NDUFS4: variants seen among roughly 807,000 people sequenced by gnomAD.
The protein encoded by NDUFS4 is NADH dehydrogenase [ubiquinone] iron-sulfur protein 4, mitochondrial.
NDUFS4 carries 28 observed loss-of-function variants against 24.3 expected under a neutral mutation model. The observed-to-expected ratio is 1.15, with a 90% CI of 0.85 to 1.58. NDUFS4 has a LOEUF of 1.58. Among genes scored for constraint, NDUFS4 ranks in the 40% most tolerant of loss-of-function variants. The pLI, the probability that NDUFS4 is intolerant of heterozygous loss-of-function variation, is 0.00. For synonymous variants in NDUFS4, 93 were observed against 69.7 expected (o/e 1.34, Z -1.67); for missense variants, 223 against 207.9 (o/e 1.07, Z -0.45).
Position 53,592,034 on chromosome 5 carries a change from G to T in NDUFS4, c.99-11418G>T, listed in dbSNP as rs1219013680. Among the ~76,000 whole-genome samples, 8 of 152,092 alleles carry T rather than the reference G, an allele frequency of 5.3e-5. No homozygotes were observed. In the South Asian group the frequency reaches 1.2e-3, roughly 24 times the overall value. On this transcript the variant is annotated intron_variant, in intron 1 of 4. Coordinates refer to ENST00000296684, the MANE Select transcript of NDUFS4 (RefSeq NM_002495.4). ...GCTCACTGTAACCTCTGCCTCCCAG[G>T]TTCAGGTGATTCACCTGCCACAGCC...
intron 4 of NDUFS4, among the ~76,000 whole-genome samples, chr5:53,662,011 T>C (rs968698542): frequency 1.1e-4 from 16 of 152,210 alleles, no homozygotes; most frequent in Non-Finnish European, 1.6e-4. Context: ...CTGATTGCCC[T>C]GGCCAGAACT....
At chr5:53,663,404 T>C (rs1752405395) in intron 4 of NDUFS4, among the ~76,000 whole-genome samples, 1 of 152,162 alleles carries the variant, frequency 6.6e-6, no homozygotes, top group Non-Finnish European at 1.5e-5. Context: ...TCCTGTCTCA[T>C]TGATCTGTCT....
intron 1 of NDUFS4, among the ~76,000 whole-genome samples, chr5:53,574,710 T>C (rs1323421464): frequency 1.3e-5 from 2 of 152,232 alleles, no homozygotes; most frequent in Non-Finnish European, 2.9e-5. Flanking sequence ...CTTTTTGATC[T>C]GTAAATTATT....
chr5:53,673,545 A>G (rs966472034), intron 4 of NDUFS4, among the ~76,000 whole-genome samples: 2 of 152,182 alleles, frequency 1.3e-5, no homozygotes, highest in Non-Finnish European at 2.9e-5. Context: ...AGAAGGTAAT[A>G]TGATGGTAAA....
chr5:53,658,750 T>C (rs1311490282), intron 4 of NDUFS4, 126 bp downstream of exon 4: 5 of 669,132 alleles, frequency 7.5e-6, no homozygotes, highest in Non-Finnish European at 1.3e-5. Flanking sequence ...AATCCAGTGG[T>C]TTCAGACTTT....
intron 2 of NDUFS4, among the ~76,000 whole-genome samples, chr5:53,617,947 A>G (rs1354522528): frequency 1.3e-5 from 2 of 152,128 alleles, no homozygotes; most frequent in Admixed American, 6.5e-5. Context: ...ACCTTTTTAT[A>G]TTTGTTTTGA....
intron 3 of NDUFS4, among the ~76,000 whole-genome samples, chr5:53,656,473 A>G (rs906577219): frequency 6.6e-6 from 1 of 152,158 alleles, no homozygotes; most frequent in African/African-American, 2.4e-5. Flanking sequence ...TGGTATTCAA[A>G]GTGAAGCATG....
rs1230818272 is a variant in NDUFS4, at chr5:53,625,141, G to T, written c.178-21092G>T. Among the ~76,000 whole-genome samples, 2 of 152,058 alleles carry T rather than the reference G, an allele frequency of 1.3e-5. 1 individual carries two copies. The highest frequency in any genetic ancestry group is 6.8e-3 in the Middle Eastern group (2 of 294). ...TGGCTTTATTTTTTGTAGAAATGGG[G>T]TTCGCCATGTTACCCAGGCTGGTTT... On this transcript the variant is annotated intron_variant, in intron 2 of 4. Transcript: ENST00000296684.
intron 1 of NDUFS4, among the ~76,000 whole-genome samples, chr5:53,598,409 T>C (rs1331285591): frequency 6.6e-6 from 1 of 152,230 alleles, no homozygotes; most frequent in Non-Finnish European, 1.5e-5. Flanking sequence ...CAGATTATTA[T>C]GTGAGTTGGG....
chr5:53,618,223 C>T (rs891932831), intron 2 of NDUFS4, among the ~76,000 whole-genome samples: 4 of 152,058 alleles, frequency 2.6e-5, no homozygotes, highest in South Asian at 4.1e-4. Context: ...TGCAGTGAGG[C>T]GTGATCATGC....
intron 4 of NDUFS4, among the ~76,000 whole-genome samples, chr5:53,659,797 G>A (rs994927284): frequency 5.9e-5 from 9 of 152,054 alleles, no homozygotes; most frequent in African/African-American, 2.2e-4. Flanking sequence ...ACCTAGTATT[G>A]TATAGCTTAT....
At chr5:53,655,986 C>G (rs1752151992) in intron 3 of NDUFS4, among the ~76,000 whole-genome samples, 1 of 152,054 alleles carries the variant, frequency 6.6e-6, no homozygotes, top group African/African-American at 2.4e-5. Flanking sequence ...GAATCATGTA[C>G]AGTTCAAAAG....
chr5:53,658,258 G>A (rs1321451564), intron 3 of NDUFS4, among the ~76,000 whole-genome samples: 1 of 151,786 alleles, frequency 6.6e-6, no homozygotes, highest in African/African-American at 2.4e-5. Context: ...AATCCTCTTG[G>A]GTTTTAAAAT....
At chr5:53,591,052 A>C (rs1749939340) in intron 1 of NDUFS4, among the ~76,000 whole-genome samples, 1 of 152,198 alleles carries the variant, frequency 6.6e-6, no homozygotes, top group South Asian at 2.1e-4. Context: ...TGATTGGCTT[A>C]TTTCACTTAT....
chr5:53,621,708 T>C (rs1298799386), intron 2 of NDUFS4, among the ~76,000 whole-genome samples: 1 of 139,666 alleles, frequency 7.2e-6, no homozygotes, highest in Non-Finnish European at 1.5e-5. Context: ...TTTTTTTTTT[T>C]TTTTTTTTTT....
chr5:53,679,827 C>T (rs1320844358), intron 4 of NDUFS4, among the ~76,000 whole-genome samples: 2 of 152,022 alleles, frequency 1.3e-5, no homozygotes, highest in African/African-American at 4.8e-5. Flanking sequence ...AGGTTTCTTA[C>T]CTATCATTTG....
chr5:53,631,366 G>T (rs1751405253), intron 2 of NDUFS4, among the ~76,000 whole-genome samples: 3 of 152,188 alleles, frequency 2.0e-5, no homozygotes, highest in African/African-American at 7.2e-5. Context: ...GGCAGTCAGG[G>T]ACCCACTTGA....
intron 2 of NDUFS4, among the ~76,000 whole-genome samples, chr5:53,645,634 G>T (rs1751839171): frequency 6.6e-6 from 1 of 152,108 alleles, no homozygotes; most frequent in African/African-American, 2.4e-5. Flanking sequence ...GTGTTTGATT[G>T]TATCATTCTC....
intron 1 of NDUFS4, among the ~76,000 whole-genome samples, chr5:53,571,510 C>T (rs1042287835): frequency 2.0e-5 from 3 of 152,128 alleles, no homozygotes. Context: ...TATTTTATGT[C>T]AACATATGTT....
Sources: gnomAD v4.1 joint callset for allele counts (sites outside exome capture counted in the v4.1 genomes callset) on GRCh38, gnomAD v4.1.1 for gene constraint, MANE v1.5 for transcripts, NCBI Gene and HGNC (gene_info 2026-07-23, HGNC 2026-07-21) for gene names.